Variants in KCNH1 observed in about 807,000 individuals in gnomAD.
KCNH1 encodes the protein potassium voltage-gated channel subfamily H member 1, also known as voltage-gated delayed rectifier potassium channel KCNH1.
KCNH1 carries 27 observed loss-of-function variants against 69.2 expected under a neutral mutation model. The observed-to-expected ratio is 0.39, with a 90% CI of 0.29 to 0.54. The LOEUF is 0.54. Ranked by LOEUF, KCNH1 falls within the 20% of genes least tolerant of loss-of-function variation. The probability of loss-of-function intolerance (pLI) is 0.68; values close to 1 mark genes in which losing one functional copy is unlikely to be tolerated. For synonymous variants in KCNH1, 456 were observed against 487.7 expected (o/e 0.93, Z 0.86); for missense variants, 798 against 1,261.6 (o/e 0.63, Z 5.57).
At chr1:211,063,031 G>T (rs374989610) in intron 5 of KCNH1, among the ~76,000 whole-genome samples, 4 of 152,094 alleles carry the variant, frequency 2.6e-5, no homozygotes, top group African/African-American at 7.2e-5. Context: ...AGCACTATTC[G>T]CAATAGCCAG....
chr1:210,778,974 T>C (rs1683918721), intron 9 of KCNH1, among the ~76,000 whole-genome samples: 1 of 152,206 alleles, frequency 6.6e-6, no homozygotes, highest in Admixed American at 6.5e-5. Flanking sequence ...ATTCAGTTTA[T>C]AAGCAACTCT....
At chr1:210,726,835 CTA>C (rs1395489036) in intron 10 of KCNH1, among the ~76,000 whole-genome samples, 5 of 152,146 alleles carry the variant, frequency 3.3e-5, no homozygotes, top group Admixed American at 2.6e-4. Flanking sequence ...CTACTCTCCT[CTA>C]TTCATTTAAA....
intron 10 of KCNH1, among the ~76,000 whole-genome samples, chr1:210,717,899 A>C (rs2149023053): frequency 6.6e-6 from 1 of 152,250 alleles, no homozygotes; most frequent in African/African-American, 2.4e-5. Context: ...TGAGATCAAG[A>C]GCTTGAGACC....
rs555207059 is a variant in KCNH1 at position 210,718,356 on chromosome 1, A to C, written c.2113-34218T>G. Among the ~76,000 whole-genome samples, 22 of 107,804 alleles carry C rather than the reference A, an allele frequency of 2.0e-4. 1 individual carries two copies. In the South Asian group the frequency reaches 2.8e-3, roughly 14 times the overall value. 70.7% of individuals were successfully genotyped at this position (107,804 alleles called of 152,430 possible). ...AATATATGTATATATGTATATATAC[A>C]TATATTTATATATAAATATATGCAT... On this transcript the variant is annotated intron_variant, in intron 10 of 10. Transcript: ENST00000271751.
At chr1:210,835,672 G>A (rs1340016230) in intron 7 of KCNH1, among the ~76,000 whole-genome samples, 1 of 152,150 alleles carries the variant, frequency 6.6e-6, no homozygotes, top group Admixed American at 6.5e-5. Flanking sequence ...ACACTTCAGA[G>A]AAATTGGATC....
rs368684197 is a variant in KCNH1, at chr1:210,771,872, C to G, written c.2112+3476G>C. On this transcript the variant is annotated intron_variant, in intron 10 of 10. Transcript: ENST00000271751. ...CCTCACAAGCAAGAAAAACTAAAGG[C>G]CAAAATGCTGGATTTGCCTCCAGGT... is the stretch of plus-strand genomic sequence containing the variant. Among the ~76,000 whole-genome samples the G allele has an allele frequency of 3.3e-5, 5 of 152,282 alleles. No homozygotes were observed. In the South Asian group the frequency reaches 1.0e-3, roughly 32 times the overall value.
At chr1:210,695,119 C>T (rs1213209176) in intron 10 of KCNH1, among the ~76,000 whole-genome samples, 1 of 152,244 alleles carries the variant, frequency 6.6e-6, no homozygotes, top group East Asian at 1.9e-4. Context: ...ATGGAGTTGG[C>T]ACTGCTCTAT....
rs572030486 is a variant in KCNH1 at position 210,683,284 on chromosome 1, G to A, written c.2967C>T (p.Ser989=). The change falls in exon 11 of 11, where the codon AGC becomes AGT. Residue 989 remains serine, a synonymous_variant. Transcript: ENST00000271751. The surrounding 1 kb of genome is among the most constrained non-coding windows in gnomAD (Gnocchi z 5.7). Reference sequence around the variant, plus strand: ...ACTTTTTTTTTAAATAGACCTCTCAGCTGGCTCCAAAAATGTCTCTCTCTG... The same window carrying A: ...ACTTTTTTTTTAAATAGACCTCTCAACTGGCTCCAAAAATGTCTCTCTCTG... ...PESERDIFGA[S] The A allele has an allele frequency of 2.5e-6, 4 of 1,612,618 alleles. No individual in the cohort carries two copies. The Admixed American group carries it at 6.7e-5, about 27-fold the overall frequency.
intron 1 of KCNH1, among the ~76,000 whole-genome samples, chr1:211,112,143 C>T (rs1225361526): frequency 4.4e-5 from 5 of 113,252 alleles, no homozygotes; most frequent in Admixed American, 9.5e-5. Flanking sequence ...GAAGTTGGAG[C>T]GCCTCTGCCC....
chr1:211,102,402 A>G (rs1483198308), intron 3 of KCNH1, among the ~76,000 whole-genome samples: 1 of 152,150 alleles, frequency 6.6e-6, no homozygotes, highest in African/African-American at 2.4e-5. Context: ...ACAGCCCTTC[A>G]CAGTCTTTCC....
intron 7 of KCNH1, among the ~76,000 whole-genome samples, chr1:210,909,252 T>G (rs909716244): frequency 3.3e-5 from 5 of 152,254 alleles, no homozygotes; most frequent in African/African-American, 1.2e-4. Context: ...ATCAAGCTCT[T>G]CTTATACAAA....
chr1:210,758,379 A>C (rs1467485171), intron 10 of KCNH1, among the ~76,000 whole-genome samples: 2 of 152,174 alleles, frequency 1.3e-5, no homozygotes, highest in Non-Finnish European at 2.9e-5. Context: ...GAGTAGCTGA[A>C]GCCAAGGTTT....
At position 211,112,458 on chromosome 1, in the gene KCNH1, A is replaced by G. The variant is rs113517092; in HGVS notation, c.80-5081T>C. On this transcript the variant is annotated intron_variant, in intron 1 of 10. Transcript: ENST00000271751. ...GTGTGTGATCTTTCTGCCCTCCCCA[A>G]GTTTGCATTTTCGACATTAAAGTTT... Among the ~76,000 whole-genome samples the G allele has an allele frequency of 1.2e-4, 18 of 151,472 alleles. 1 individual carries two copies. The highest frequency in any genetic ancestry group is 3.9e-4 in the African/African-American group (16 of 41,298).
At chr1:211,127,325 A>T (rs1210813477) in intron 1 of KCNH1, among the ~76,000 whole-genome samples, 1 of 151,272 alleles carries the variant, frequency 6.6e-6, no homozygotes, top group Non-Finnish European at 1.5e-5. Context: ...TTCACTTCCT[A>T]GTTCCTTCTC....
chr1:211,043,300 A>T (rs1487878593), intron 5 of KCNH1, among the ~76,000 whole-genome samples: 1 of 152,188 alleles, frequency 6.6e-6, no homozygotes, highest in Non-Finnish European at 1.5e-5. Context: ...GAAATACAAA[A>T]AGATCATTCA....
chr1:211,000,550 A>G (rs1468625329), intron 6 of KCNH1, among the ~76,000 whole-genome samples: 1 of 152,198 alleles, frequency 6.6e-6, no homozygotes, highest in Non-Finnish European at 1.5e-5. Context: ...ATGCTCATGG[A>G]TAGGAAGAAT....
At chr1:210,780,655 A>G (rs1225484114) in intron 9 of KCNH1, among the ~76,000 whole-genome samples, 1 of 152,248 alleles carries the variant, frequency 6.6e-6, no homozygotes, top group Non-Finnish European at 1.5e-5. Flanking sequence ...GATGAGTTCA[A>G]GTTAAGCAGC....
chr1:210,830,590 A>G (rs2102438622), intron 7 of KCNH1, among the ~76,000 whole-genome samples: 1 of 146,986 alleles, frequency 6.8e-6, no homozygotes, highest in East Asian at 2.0e-4. Flanking sequence ...CTCCATCCAA[A>G]GGAGCAATTA....
intron 6 of KCNH1, among the ~76,000 whole-genome samples, chr1:210,937,327 C>T (rs1370133843): frequency 6.6e-6 from 1 of 152,232 alleles, no homozygotes; most frequent in African/African-American, 2.4e-5. Flanking sequence ...CAACTGTCTT[C>T]CTGTGTTTGA....
Sources: gnomAD v4.1 joint callset for allele counts (sites outside exome capture counted in the v4.1 genomes callset) on GRCh38, gnomAD v4.1.1 for gene constraint, Gnocchi (gnomAD v3.1) non-coding constraint, MANE v1.5 for transcripts, NCBI Gene and HGNC (gene_info 2026-07-23, HGNC 2026-07-21) for gene names.